LMLN: variants seen among roughly 807,000 people sequenced by gnomAD.
LMLN encodes leishmanolysin like peptidase, also known as leishmanolysin-like peptidase.
Under a neutral mutation model 92.3 loss-of-function variants are expected in LMLN, and 70 were observed. That is an observed-to-expected ratio of 0.76 (90% CI 0.63 to 0.92). The LOEUF is 0.92. Ranked by LOEUF, LMLN falls within the 40% of genes least tolerant of loss-of-function variation. LMLN has a pLI of 0.00. For synonymous variants in LMLN, 308 were observed against 296.2 expected (o/e 1.04, Z -0.41); for missense variants, 691 against 814.6 (o/e 0.85, Z 1.85).
At chr3:198,005,285 A>G (rs185162462) in intron 11 of LMLN, among the ~76,000 whole-genome samples, 3 of 144,484 alleles carry the variant, frequency 2.1e-5, no homozygotes, top group African/African-American at 5.1e-5. Context: ...AGTAAGTTTG[A>G]CATCTATCTA....
At chr3:197,973,481 A>G (rs916990152) in intron 1 of LMLN, among the ~76,000 whole-genome samples, 4 of 152,030 alleles carry the variant, frequency 2.6e-5, no homozygotes, top group Admixed American at 6.6e-5. Flanking sequence ...TGACCTTGTG[A>G]TCTGCCTGCC....
chr3:198,014,465 C>G (rs369189821), intron 11 of LMLN, among the ~76,000 whole-genome samples: 16 of 131,208 alleles, frequency 1.2e-4, no homozygotes, highest in East Asian at 7.4e-4. Context: ...TCTCTCCACC[C>G]TTCAGAGCCC....
At chr3:197,998,261 T>G (rs1722080199) in intron 10 of LMLN, among the ~76,000 whole-genome samples, 1 of 152,202 alleles carries the variant, frequency 6.6e-6, no homozygotes, top group South Asian at 2.1e-4. Context: ...CTTAAATAGA[T>G]AGTTGCAGCT....
chr3:198,032,591 G>A (rs536333483), intron 14 of LMLN, among the ~76,000 whole-genome samples: 1 of 152,316 alleles, frequency 6.6e-6, no homozygotes, highest in East Asian at 1.9e-4. Flanking sequence ...GGCTCAGGAA[G>A]CTTACAGTCA....
intron 15 of LMLN, among the ~76,000 whole-genome samples, chr3:198,038,038 T>C (rs1055994162): frequency 1.3e-5 from 2 of 148,596 alleles, no homozygotes; most frequent in African/African-American, 4.9e-5. Context: ...ACAGTCTGTC[T>C]GCCTGTTGTC....
intron 8 of LMLN, 67 bp from the exon 9 acceptor site, chr3:197,990,490 ATG>A (rs1721834769): frequency 4.5e-6 from 3 of 670,188 alleles, no homozygotes; most frequent in Admixed American, 5.0e-5. Flanking sequence ...TTTACAGTAA[ATG>A]TAAATATTTT....
chr3:198,023,536 A>G (rs1038308222), intron 13 of LMLN, among the ~76,000 whole-genome samples: 2 of 152,214 alleles, frequency 1.3e-5, no homozygotes, highest in African/African-American at 4.8e-5. Context: ...AAAGACTCTG[A>G]TACTCAAAAG....
chr3:197,975,569 G>A (rs531320853), intron 3 of LMLN, among the ~76,000 whole-genome samples: 1 of 152,098 alleles, frequency 6.6e-6, no homozygotes, highest in African/African-American at 2.4e-5. Context: ...TTCACTATGG[G>A]CGACAGAAAT....
chr3:197,974,343 C>T, intron 1 of LMLN, 34 bp from the exon 2 acceptor site: 2 of 1,151,672 alleles, frequency 1.7e-6, no homozygotes, highest in East Asian at 4.7e-5. Flanking sequence ...ATCTGTATGT[C>T]TTAAACAGTT....
chr3:197,968,887 T>A (rs1285668867), intron 1 of LMLN, among the ~76,000 whole-genome samples: 1 of 152,234 alleles, frequency 6.6e-6, no homozygotes, highest in East Asian at 1.9e-4. Context: ...ACTTTGATAT[T>A]GGACTATTCA....
chr3:198,015,725 T>G (rs186503886), intron 11 of LMLN, among the ~76,000 whole-genome samples: 16 of 152,020 alleles, frequency 1.1e-4, no homozygotes, highest in Non-Finnish European at 1.9e-4. Context: ...CTCTGTACCC[T>G]TCAGAGTCCC....
chr3:198,041,430 T>C (rs1190747619), exon 16 of LMLN: 5 of 152,214 alleles, frequency 3.3e-5, no homozygotes, highest in Admixed American at 3.3e-4. Context: ...ACTAAAAATA[T>C]TGTATAAAAT....
intron 14 of LMLN, among the ~76,000 whole-genome samples, chr3:198,032,682 C>G (rs13092753): frequency 1.1e-4 from 16 of 152,116 alleles, no homozygotes; most frequent in Non-Finnish European, 2.1e-4. Context: ...CTTGAACAAG[C>G]AGATCTCTGG....
intron 1 of LMLN, among the ~76,000 whole-genome samples, chr3:197,964,422 A>T (rs1581124428): frequency 1.4e-5 from 2 of 145,372 alleles, no homozygotes; most frequent in East Asian, 4.0e-4. Flanking sequence ...TTTTTTTGAG[A>T]CAGAGTCTTG....
chr3:198,011,536 G>A (rs1722439951), intron 11 of LMLN, among the ~76,000 whole-genome samples: 1 of 147,308 alleles, frequency 6.8e-6, no homozygotes, highest in African/African-American at 2.5e-5. Flanking sequence ...TTGGACATTT[G>A]GGTTGGTTCC....
rs1162843632 is a variant in LMLN at position 198,042,046 on chromosome 3, A to C, written c.*3379A>C. Reference sequence around the variant, plus strand: ...GGTCGCCCAGTGTTTTCTCTGGACAAATGTGAAACTGGATAAAGTATGGAT... The same window carrying C: ...GGTCGCCCAGTGTTTTCTCTGGACACATGTGAAACTGGATAAAGTATGGAT... On this transcript the variant is annotated 3_prime_UTR_variant, in exon 16 of 16. Transcript: ENST00000330198. This position sits in a 1 kb window ranked among gnomAD's most constrained non-coding sequence, Gnocchi z 4.2. 1 of 152,152 alleles carries C rather than the reference A, an allele frequency of 6.6e-6. No homozygotes were observed. 9.4% of individuals were successfully genotyped at this position (152,152 alleles called of 1,614,324 possible). A position where few individuals can be genotyped will look rare whatever the true frequency, so the allele number is the denominator to read the frequency against.
At chr3:198,039,445 A>T (rs1481031837) in exon 16 of LMLN, 2 of 152,250 alleles carry the variant, frequency 1.3e-5, no homozygotes, top group Non-Finnish European at 2.9e-5. Context: ...TATCATTATT[A>T]TACCTATTTT....
At chr3:197,988,396 AT>A (rs199877355) in intron 8 of LMLN, among the ~76,000 whole-genome samples, 2,947 of 150,314 alleles carry the variant, frequency 0.02, 113 homozygotes, top group African/African-American at 0.069. Flanking sequence ...TGCATTTGAA[AT>A]TTTTTTTGAT....
chr3:197,999,615 C>T, intron 11 of LMLN: 1 of 349,596 alleles, frequency 2.9e-6, no homozygotes, highest in South Asian at 3.9e-5. Context: ...TAATCCTGGA[C>T]TTCCCGGGCT....
Sources: allele counts gnomAD v4.1 joint callset (sites outside exome capture counted in the v4.1 genomes callset), GRCh38; gene constraint gnomAD v4.1.1; non-coding constraint Gnocchi (gnomAD v3.1); transcripts MANE v1.5; gene names NCBI Gene and HGNC (gene_info 2026-07-23, HGNC 2026-07-21).